Variants in RALGAPA1 observed in about 807,000 individuals in gnomAD.
RALGAPA1 encodes ral GTPase-activating protein subunit alpha-1.
A neutral mutation model predicts 269.6 loss-of-function variants in RALGAPA1; 52 were observed. The ratio of observed to expected loss-of-function variants is 0.19; its 90% CI spans 0.15 to 0.24. The LOEUF (loss-of-function observed/expected upper bound fraction) is 0.24. RALGAPA1 is among the 10% of genes least tolerant of loss of function. The probability of loss-of-function intolerance (pLI) is 1.00; values close to 1 mark genes in which losing one functional copy is unlikely to be tolerated. For synonymous variants in RALGAPA1, 817 were observed against 1,008.3 expected (o/e 0.81, Z 3.60); for missense variants, 1,917 against 3,013.9 (o/e 0.64, Z 8.52).
At chr14:35,789,276 G>T (rs763477372) in intron 1 of RALGAPA1, among the ~76,000 whole-genome samples, 1 of 151,732 alleles carries the variant, frequency 6.6e-6, no homozygotes, top group Non-Finnish European at 1.5e-5. Flanking sequence ...TACATGTAAA[G>T]GATCTAGAAT....
Position 35,728,432 on chromosome 14 carries a change from C to G in RALGAPA1, c.1666G>C (p.Asp556His), listed in dbSNP as rs1265171369. 3.7e-6 allele frequency: 6 copies of G among 1,608,740 alleles called. No homozygotes were observed. The highest frequency in any genetic ancestry group is 5.1e-6 in the Non-Finnish European group (6 of 1,178,140). ...ATGTTAAGAATGCGTTTACACATAT[C>G]TGTGTGTTCATCCAGAAGATTTTTT... ...EIKNLLDEHT[D>H]MCKRILNIYR... Residue 556 changes from aspartate to histidine, a missense_variant, in exon 13 of 42, where the codon GAT (aspartate) becomes CAT (histidine). By Grantham distance (81) the Asp-to-His change is moderately conservative (BLOSUM62 -1). Transcript: ENST00000680220.
At chr14:35,577,931 CT>C (rs916947934) in intron 37 of RALGAPA1, among the ~76,000 whole-genome samples, 1 of 152,050 alleles carries the variant, frequency 6.6e-6, no homozygotes, top group African/African-American at 2.4e-5. Flanking sequence ...AAGTATATTC[CT>C]TTTCTGTACT....
intron 30 of RALGAPA1, among the ~76,000 whole-genome samples, chr14:35,653,646 A>AC (rs991655286): frequency 1.8e-4 from 26 of 146,900 alleles, no homozygotes; most frequent in African/African-American, 6.5e-4. Context: ...AAAATCAGAG[A>AC]TTTTTTTTTT....
At chr14:35,662,657 T>C (rs1041543290) in intron 27 of RALGAPA1, among the ~76,000 whole-genome samples, 3 of 152,160 alleles carry the variant, frequency 2.0e-5, no homozygotes, top group South Asian at 2.1e-4. Context: ...TAGTATATAG[T>C]AGGCGAGGCT....
intron 39 of RALGAPA1, among the ~76,000 whole-genome samples, chr14:35,566,002 G>A (rs2056667206): frequency 6.6e-6 from 1 of 152,044 alleles, no homozygotes; most frequent in Admixed American, 6.6e-5. Context: ...CGATGGCTAG[G>A]ATTAAAGCTG....
chr14:35,668,237 C>T (rs979499578), intron 26 of RALGAPA1, among the ~76,000 whole-genome samples: 17 of 152,206 alleles, frequency 1.1e-4, no homozygotes, highest in African/African-American at 3.6e-4. Flanking sequence ...AATCCTAGGA[C>T]TTTGGGAGGC....
intron 1 of RALGAPA1, among the ~76,000 whole-genome samples, chr14:35,804,987 G>A (rs1407820128): frequency 1.3e-5 from 2 of 151,842 alleles, no homozygotes; most frequent in African/African-American, 4.8e-5. Flanking sequence ...AAATAATGAG[G>A]CTGAGAAAAA....
At position 35,597,538 on chromosome 14, in the gene RALGAPA1, A is replaced by G. The variant is rs551624497; in HGVS notation, c.7054-1749T>C. Among the ~76,000 whole-genome samples, 64 of 152,282 alleles carry G rather than the reference A, an allele frequency of 4.2e-4. 1 individual carries two copies. The highest frequency in any genetic ancestry group is 1.5e-3 in the African/African-American group (63 of 41,542). ...CTGGAGAGTCATATGAAGAAATGAA[A>G]AAAATAAAAAGAAATCCCATGTACA... On this transcript the variant is annotated intron_variant, in intron 36 of 41. Coordinates refer to ENST00000680220, the MANE Select transcript of RALGAPA1 (RefSeq NM_001346249.2).
intron 33 of RALGAPA1, among the ~76,000 whole-genome samples, chr14:35,631,470 A>C (rs1451750795): frequency 6.6e-6 from 1 of 152,228 alleles, no homozygotes; most frequent in African/African-American, 2.4e-5. Context: ...AACAAAAATT[A>C]AAATTAGTCA....
chr14:35,761,065 T>A (rs1595461397), intron 5 of RALGAPA1, 59 bp from the exon 6 acceptor site: 1 of 1,341,264 alleles, frequency 7.5e-7, no homozygotes, highest in East Asian at 2.5e-5. Flanking sequence ...TTTCTTCCTT[T>A]GAAAAACAAA....
At chr14:35,758,841 T>C (rs564496500) in intron 6 of RALGAPA1, among the ~76,000 whole-genome samples, 5 of 152,246 alleles carry the variant, frequency 3.3e-5, no homozygotes, top group East Asian at 3.9e-4. Context: ...AGACCAGACA[T>C]AGTGGCTGAC....
Position 35,678,011 on chromosome 14 carries a change from C to G in RALGAPA1, c.4563G>C (p.Gln1521His), listed in dbSNP as rs1322313468. The change falls in exon 22 of 42, where the codon CAG (glutamine) becomes CAC (histidine). Residue 1521 changes from glutamine to histidine, a missense_variant. Coordinates refer to ENST00000680220, the MANE Select transcript of RALGAPA1 (RefSeq NM_001346249.2). ...GCTTCTCGTCGAGCTGCAGATCCTT[C>G]TGTTCCATGTGATCTATATTCAATG... Reference protein sequence around the residue: ...PSTLNIDHMEQKDLQLDEKLH... With the variant: ...PSTLNIDHMEHKDLQLDEKLH... 1 of 1,613,516 alleles carries G rather than the reference C, an allele frequency of 6.2e-7. No individual in the cohort carries two copies. Among genetic ancestry groups the G allele is most frequent in the East Asian group, 2.2e-5 (1 of 44,848 alleles).
At chr14:35,647,819 GTGC>G (rs964497152) in intron 31 of RALGAPA1, among the ~76,000 whole-genome samples, 2 of 151,896 alleles carry the variant, frequency 1.3e-5, no homozygotes, top group African/African-American at 2.4e-5. Context: ...ATAGTGGTGT[GTGC>G]TTGTAGCCCC....
intron 1 of RALGAPA1, among the ~76,000 whole-genome samples, chr14:35,783,071 A>G (rs1175531441): frequency 6.6e-6 from 1 of 151,796 alleles, no homozygotes; most frequent in African/African-American, 2.4e-5. Context: ...TGATCCTCTC[A>G]CCTCTACTCC....
intron 41 of RALGAPA1, among the ~76,000 whole-genome samples, chr14:35,543,431 A>G (rs968740657): frequency 3.3e-5 from 5 of 152,206 alleles, no homozygotes; most frequent in Non-Finnish European, 7.4e-5. Context: ...ATTATTGTTC[A>G]AATGTGAAAA....
intron 37 of RALGAPA1, among the ~76,000 whole-genome samples, chr14:35,591,833 G>C (rs2058657598): frequency 6.6e-6 from 1 of 152,138 alleles, no homozygotes; most frequent in African/African-American, 2.4e-5. Flanking sequence ...AACCTGGTGG[G>C]AGGTGACTGG....
At chr14:35,643,044 A>C (rs2062132457) in intron 31 of RALGAPA1, among the ~76,000 whole-genome samples, 1 of 152,176 alleles carries the variant, frequency 6.6e-6, no homozygotes, top group African/African-American at 2.4e-5. Flanking sequence ...GACATGGATA[A>C]AGCTGGAAAC....
At chr14:35,779,552 AAAT>A (rs2075294615) in intron 1 of RALGAPA1, among the ~76,000 whole-genome samples, 3 of 150,990 alleles carry the variant, frequency 2.0e-5, no homozygotes, top group Non-Finnish European at 3.0e-5. Flanking sequence ...AATAATAATG[AAAT>A]AATAATAAAG....
At position 35,678,023 on chromosome 14, in the gene RALGAPA1, A is replaced by C. The variant is rs2065100086; in HGVS notation, c.4551T>G (p.Asp1517Glu). ...GCTGCAGATCCTTCTGTTCCATGTGATCTATATTCAATGTAGAAGGGGAAG... is the reference window on the plus strand; with the variant it reads ...GCTGCAGATCCTTCTGTTCCATGTGCTCTATATTCAATGTAGAAGGGGAAG... ...QTPSPSTLNIDHMEQKDLQLD... is the reference protein window; with the variant it reads ...QTPSPSTLNIEHMEQKDLQLD... The change falls in exon 22 of 42, where the codon GAT (aspartate) becomes GAG (glutamate). Residue 1517 changes from aspartate to glutamate, a missense_variant. Physicochemically the swap from Asp to Glu is conservative, Grantham distance 45 (BLOSUM62 2). Coordinates refer to ENST00000680220, the MANE Select transcript of RALGAPA1 (RefSeq NM_001346249.2). 1 of 1,613,418 alleles carries C rather than the reference A, an allele frequency of 6.2e-7. No homozygotes were observed.
Sources: allele counts gnomAD v4.1 joint callset (sites outside exome capture counted in the v4.1 genomes callset), GRCh38; gene constraint gnomAD v4.1.1; transcripts MANE v1.5; gene names NCBI Gene and HGNC (gene_info 2026-07-23, HGNC 2026-07-21).